The following HERPUD2 variants were observed in gnomAD, a reference collection of about 807,000 sequenced individuals.
The protein encoded by HERPUD2 is homocysteine-responsive endoplasmic reticulum-resident ubiquitin-like domain member 2 protein.
Under a neutral mutation model 49.9 loss-of-function variants are expected in HERPUD2, and 13 were observed. That is an observed-to-expected ratio of 0.26 (90% CI 0.17 to 0.41). HERPUD2 has a LOEUF of 0.41. Ranked by LOEUF, HERPUD2 falls within the 10% of genes least tolerant of loss-of-function variation. The pLI is 1.00. For missense variants in HERPUD2, 449 were observed against 492.2 expected (o/e 0.91, Z 0.83); for synonymous variants, 172 against 171.4 (o/e 1.00, Z -0.03).
At chr7:35,691,899 C>T (rs1786198454) in intron 2 of HERPUD2, among the ~76,000 whole-genome samples, 1 of 145,772 alleles carries the variant, frequency 6.9e-6, no homozygotes, top group Admixed American at 6.7e-5. Flanking sequence ...AGAATGTAAA[C>T]TTACTAAATC....
At chr7:35,667,972 A>G (rs1785571970) in intron 4 of HERPUD2, among the ~76,000 whole-genome samples, 1 of 152,216 alleles carries the variant, frequency 6.6e-6, no homozygotes, top group African/African-American at 2.4e-5. Flanking sequence ...TGTTCAATAA[A>G]TGGTACTAAT....
At chr7:35,637,138 AAAAGAAAG>A (rs376749984) in intron 6 of HERPUD2, among the ~76,000 whole-genome samples, 2 of 135,694 alleles carry the variant, frequency 1.5e-5, no homozygotes, top group African/African-American at 5.4e-5. Context: ...GTCTCAAAAA[AAAAGAAAG>A]AAAGAAAGAA....
At chr7:35,644,987 T>C (rs1001626090) in intron 5 of HERPUD2, among the ~76,000 whole-genome samples, 1 of 152,182 alleles carries the variant, frequency 6.6e-6, no homozygotes, top group Non-Finnish European at 1.5e-5. Flanking sequence ...CTGTTACAAA[T>C]ACACACTGTT....
At chr7:35,681,316 G>A (rs532558093) in intron 2 of HERPUD2, among the ~76,000 whole-genome samples, 5 of 152,132 alleles carry the variant, frequency 3.3e-5, no homozygotes, top group Non-Finnish European at 7.4e-5. Flanking sequence ...GCAAAAACAA[G>A]TATGGGCAAG....
At position 35,694,578 on chromosome 7, in the gene HERPUD2, G is replaced by C; in HGVS notation, c.-248C>G. 1.9e-6 allele frequency: 1 copy of C among 532,224 alleles called. No individual in the cohort carries two copies. Among genetic ancestry groups the C allele is most frequent in the Non-Finnish European group, 3.4e-6 (1 of 294,802 alleles). 33.0% of individuals were successfully genotyped at this position (532,224 alleles called of 1,614,324 possible). A position where few individuals can be genotyped will look rare whatever the true frequency, so the allele number is the denominator to read the frequency against. On this transcript the variant is annotated 5_prime_UTR_variant, in exon 2 of 9. Coordinates refer to ENST00000311350, the MANE Select transcript of HERPUD2 (RefSeq NM_022373.5). ...GGAGGCAGCTCTCCCCGCCAGGTCC[G>C]GGCTCCGCCGGGCTCCGGACTGTGG...
intron 2 of HERPUD2, among the ~76,000 whole-genome samples, chr7:35,680,216 G>A (rs751349440): frequency 5.9e-5 from 9 of 152,098 alleles, no homozygotes; most frequent in Non-Finnish European, 1.3e-4. Context: ...AGACCAGCCT[G>A]GGCAACATAG....
intron 5 of HERPUD2, among the ~76,000 whole-genome samples, chr7:35,662,306 G>A (rs979178889): frequency 1.3e-5 from 2 of 152,172 alleles, no homozygotes; most frequent in African/African-American, 4.8e-5. Context: ...TTACATCGAT[G>A]TTCATCGGGG....
At chr7:35,686,599 G>A (rs1466302115) in intron 2 of HERPUD2, among the ~76,000 whole-genome samples, 5 of 131,004 alleles carry the variant, frequency 3.8e-5, no homozygotes, top group African/African-American at 8.4e-5. Context: ...GGCGCCTGTA[G>A]TCCCAGCTAC....
intron 2 of HERPUD2, among the ~76,000 whole-genome samples, chr7:35,674,744 C>A (rs560086353): frequency 2.6e-5 from 4 of 151,458 alleles, no homozygotes; most frequent in African/African-American, 9.7e-5. Context: ...ATCAATCACG[C>A]CTACCTAACG....
At chr7:35,681,143 T>C (rs953615881) in intron 2 of HERPUD2, among the ~76,000 whole-genome samples, 3 of 152,232 alleles carry the variant, frequency 2.0e-5, no homozygotes, top group Non-Finnish European at 2.9e-5. Flanking sequence ...CAAATTATGA[T>C]AAAGAAGCAA....
At chr7:35,659,843 C>A (rs1785371013) in intron 5 of HERPUD2, among the ~76,000 whole-genome samples, 1 of 151,462 alleles carries the variant, frequency 6.6e-6, no homozygotes, top group Admixed American at 6.6e-5. Context: ...TCTTTTTTTT[C>A]TTTTTTCCTG....
chr7:35,634,873 G>A (rs1261993891), intron 7 of HERPUD2, among the ~76,000 whole-genome samples: 2 of 152,154 alleles, frequency 1.3e-5, no homozygotes, highest in Non-Finnish European at 2.9e-5. Flanking sequence ...TGTTAAGTTC[G>A]AAATAATGGA....
intron 5 of HERPUD2, among the ~76,000 whole-genome samples, chr7:35,651,288 C>T (rs537071448): frequency 1.2e-3 from 179 of 152,322 alleles, no homozygotes; most frequent in African/African-American, 4.2e-3. Context: ...ATTGGCCCAC[C>T]TGGACCATCT....
chr7:35,659,523 C>T (rs1785362804), intron 5 of HERPUD2, among the ~76,000 whole-genome samples: 2 of 152,146 alleles, frequency 1.3e-5, no homozygotes, highest in Non-Finnish European at 2.9e-5. Context: ...GTTTTAATCA[C>T]TTTATGGACA....
chr7:35,694,732 C>A (rs1392464505), intron 1 of HERPUD2, 69 bp downstream of exon 1: 1 of 198,102 alleles, frequency 5.0e-6, no homozygotes, highest in African/African-American at 2.3e-5. Context: ...GGCCCCTACG[C>A]CACGGCCCCG....
intron 2 of HERPUD2, among the ~76,000 whole-genome samples, chr7:35,684,302 A>G (rs995988993): frequency 1.3e-5 from 2 of 152,106 alleles, no homozygotes; most frequent in African/African-American, 4.8e-5. Context: ...AGGCAGGAGA[A>G]TGGCGTGAAC....
At chr7:35,690,356 G>A (rs1183975546) in intron 2 of HERPUD2, among the ~76,000 whole-genome samples, 1 of 152,300 alleles carries the variant, frequency 6.6e-6, no homozygotes, top group South Asian at 2.1e-4. Context: ...TTATGACTTT[G>A]TGAACATTTT....
chr7:35,656,195 A>G (rs1457592607), intron 5 of HERPUD2, among the ~76,000 whole-genome samples: 3 of 152,034 alleles, frequency 2.0e-5, no homozygotes, highest in Non-Finnish European at 4.4e-5. Flanking sequence ...AAATAAATAA[A>G]TACATCAAGA....
chr7:35,639,078 G>C (rs1457253203), intron 5 of HERPUD2, among the ~76,000 whole-genome samples: 1 of 151,690 alleles, frequency 6.6e-6, no homozygotes, highest in Non-Finnish European at 1.5e-5. Context: ...GCCCAGGCTG[G>C]AGTGCAGTGG....
Sources: allele counts gnomAD v4.1 joint callset (sites outside exome capture counted in the v4.1 genomes callset), GRCh38; gene constraint gnomAD v4.1.1; transcripts MANE v1.5; gene names NCBI Gene and HGNC (gene_info 2026-07-23, HGNC 2026-07-21).